PRDM4: variants seen among roughly 807,000 people sequenced by gnomAD.
The protein encoded by PRDM4 is PR domain zinc finger protein 4.
PRDM4 carries 38 observed loss-of-function variants against 62.3 expected under a neutral mutation model. The observed-to-expected ratio is 0.61, with a 90% confidence interval of 0.47 to 0.80. The LOEUF is 0.80. Among genes scored for constraint, PRDM4 ranks in the 30% least tolerant of loss-of-function variants. The pLI is 0.00. For synonymous variants in PRDM4, 339 were observed against 348.2 expected (o/e 0.97, Z 0.30); for missense variants, 858 against 997.1 (o/e 0.86, Z 1.88).
At position 107,741,266 on chromosome 12, in the gene PRDM4, A is replaced by T. The variant is rs769473383; in HGVS notation, c.1610-6T>A. On this transcript the variant is annotated splice_polypyrimidine_tract_variant and splice_region_variant and intron_variant, in intron 9 of 11. Transcript: ENST00000228437. The stretch of plus-strand genomic sequence containing the variant: ...ATCTGGGTGTTCAGGAACACCTTTT[A>T]AAAAAAAATTACTCATTATCTCCCA... 1.3e-5 allele frequency: 20 copies of T among 1,576,852 alleles called. No individual in the cohort carries two copies. The highest frequency in any genetic ancestry group is 2.3e-5 in the East Asian group (1 of 44,288).
In PRDM4 at chr12:107,746,398, G is replaced by C. The variant is rs1184547192; in HGVS notation, c.1153C>G (p.Pro385Ala). ...IWCTLCDRAY[P>A]SDCPEHGPVT... ...GGTCCATGTTCGGGACAGTCCGAGG[G>C]ATAGGCGCGGTCACACAGAGTACAC... Residue 385 changes from proline (P) to alanine (A), a missense_variant, in exon 6 of 12, where the codon CCC (proline) becomes GCC (alanine). By Grantham distance (27) the Pro-to-Ala change is conservative. Around this residue, in one of 3 missense-constraint regions of PRDM4, gnomAD observed 499 missense variants for 546.7 expected, o/e 0.91. Coordinates refer to ENST00000228437, the MANE Select transcript of PRDM4 (RefSeq NM_012406.4). The C allele has an allele frequency of 6.2e-7, 1 of 1,611,130 alleles. No homozygotes were observed. The highest frequency in any genetic ancestry group is 8.5e-7 in the Non-Finnish European group (1 of 1,178,512).
chr12:107,743,131 T>C lies in PRDM4; in HGVS notation c.1481+66A>G, dbSNP rs1427852906. 2.3e-6 allele frequency: 3 copies of C among 1,323,456 alleles called. No individual in the cohort carries two copies. The Admixed American group carries it at 5.2e-5, about 23-fold the overall frequency. 82.0% of individuals were successfully genotyped at this position (1,323,456 alleles called of 1,614,324 possible). ...GGATTCTTAACTCTTTCTTCTTTTA[T>C]GCAAAGCTTCCTATTGAAAAACATC... On this transcript the variant is annotated intron_variant, in intron 8 of 11. Coordinates refer to ENST00000228437, the MANE Select transcript of PRDM4 (RefSeq NM_012406.4).
At position 107,734,335 on chromosome 12, in the gene PRDM4, C is replaced by A; in HGVS notation, c.2281G>T (p.Ala761Ser). 6.2e-7 allele frequency: 1 copy of A among 1,614,210 alleles called. No individual in the cohort carries two copies. The highest frequency in any genetic ancestry group is 8.5e-7 in the Non-Finnish European group (1 of 1,180,026). Residue 761 changes from alanine to serine, a missense_variant, in exon 12 of 12, where the codon GCA (alanine) becomes TCA (serine). Physicochemically the swap from Ala to Ser is moderately conservative, Grantham distance 99. This residue lies in a region of PRDM4 where 355 missense variants were observed against 432.6 expected (regional missense o/e 0.82). Transcript: ENST00000228437. ...TCATCCTCTTCTTCCTCCTCTGGTG[C>A]TGACGAACTGGAGGTGGGCCCTTTG... ...TCKGPTSSSS[A>S]PEEEEEDDSE...
At position 107,760,784 on chromosome 12, in the gene PRDM4, G is replaced by C. The variant is rs1015485380; in HGVS notation, c.-256-13C>G. The C allele has an allele frequency of 2.4e-5, 11 of 456,772 alleles. No homozygotes were observed. The highest frequency in any genetic ancestry group is 2.3e-4 in the African/African-American group (11 of 48,872). The allele number at this position is 456,772 out of a possible 1,614,324, so 28.3% of individuals were successfully genotyped here. Reference sequence around the variant, plus strand: ...GGGGCTGCCCAACCTGGGGGAGTGGGGACAAGAGCGGTCACCAAAACCACA... The same window carrying C: ...GGGGCTGCCCAACCTGGGGGAGTGGCGACAAGAGCGGTCACCAAAACCACA... On this transcript the variant is annotated splice_polypyrimidine_tract_variant and intron_variant, in intron 1 of 11. Coordinates refer to ENST00000228437, the MANE Select transcript of PRDM4 (RefSeq NM_012406.4).
chr12:107,749,171 G>A (rs1255766350), intron 5 of PRDM4, among the ~76,000 whole-genome samples: 2 of 151,720 alleles, frequency 1.3e-5, no homozygotes, highest in African/African-American at 4.8e-5. Flanking sequence ...CACTTCTACA[G>A]CCACAAATAA....
At position 107,751,574 on chromosome 12, in the gene PRDM4, T is replaced by A. The variant is rs758864082; in HGVS notation, c.967A>T (p.Ser323Cys). ...GAGGAGACAGCCACAGGTTCTAGGC[T>A]GAGGCCAACTTCATGGAGGGAAACA... ...ESVSLHEVGL[S>C]LEPVAVSSIT... Residue 323 changes from serine (S) to cysteine (C), a missense_variant, in exon 5 of 12, where the codon AGC becomes TGC. By Grantham distance (112) the Ser-to-Cys change is moderately radical. Around this residue, in one of 3 missense-constraint regions of PRDM4, gnomAD observed 499 missense variants for 546.7 expected, o/e 0.91. Transcript: ENST00000228437. 1.9e-6 allele frequency: 3 copies of A among 1,613,646 alleles called. No homozygotes were observed. Among genetic ancestry groups the A allele is most frequent in the Non-Finnish European group, 1.7e-6 (2 of 1,179,548 alleles).
At chr12:107,736,386 G>A (rs1470986327) in intron 11 of PRDM4, among the ~76,000 whole-genome samples, 3 of 152,216 alleles carry the variant, frequency 2.0e-5, no homozygotes, top group African/African-American at 7.2e-5. Flanking sequence ...CCTGAATGGA[G>A]GGAAGAAGAC....
At chr12:107,752,494 G>A (rs777919874) in intron 4 of PRDM4, among the ~76,000 whole-genome samples, 8 of 150,482 alleles carry the variant, frequency 5.3e-5, no homozygotes, top group Non-Finnish European at 1.2e-4. Flanking sequence ...TGCAATTCCT[G>A]AGTCCTAAGG....
At chr12:107,742,736 G>A (rs1372033687) in intron 8 of PRDM4, 2 of 234,614 alleles carry the variant, frequency 8.5e-6, no homozygotes, top group African/African-American at 4.7e-5. Context: ...AAATTCAGTG[G>A]TAACTATATT....
At chr12:107,760,408 T>C in intron 2 of PRDM4, 97 bp downstream of exon 2, 3 of 1,511,056 alleles carry the variant, frequency 2.0e-6, no homozygotes, top group Non-Finnish European at 2.7e-6. Context: ...CCTGTAACCT[T>C]CTCAATGGCA....
rs35721831 is a variant in PRDM4, at chr12:107,733,387, CATT to C, written c.*820_*822del. 44,233 of 152,000 alleles carry C rather than the reference CATT, an allele frequency of 0.29. 8,117 individuals are homozygous for C. Among genetic ancestry groups the C allele is most frequent in the Middle Eastern group, 0.42 (121 of 290 alleles). The allele number at this position is 152,000 out of a possible 1,614,324, so 9.4% of individuals were successfully genotyped here. On this transcript the variant is annotated 3_prime_UTR_variant, in exon 12 of 12. Transcript: ENST00000228437. ...ACTCATCAGGAGACAATCCAGCAGG[CATT>C]ATTTGGGCTCTCTGTATCTCCAGGC...
chr12:107,749,997 T>A (rs1361829451), intron 5 of PRDM4, among the ~76,000 whole-genome samples: 2 of 152,324 alleles, frequency 1.3e-5, no homozygotes, highest in East Asian at 3.9e-4. Context: ...TTTCTTGTCC[T>A]TAAGGTCTGT....
In PRDM4 at chr12:107,753,911, C is replaced by A. The variant is rs372630083; in HGVS notation, c.331+13G>T. On this transcript the variant is annotated intron_variant, in intron 4 of 11. Transcript: ENST00000228437. ...TCTTTTTCTCTAACATCTCAAGTAA[C>A]TGTAACACTTACCAGGTAGAATGGT... is the stretch of plus-strand genomic sequence containing the variant. 1.7e-5 allele frequency: 28 copies of A among 1,606,194 alleles called. No homozygotes were observed. In the African/African-American group the frequency reaches 3.5e-4, roughly 20 times the overall value.
Position 107,734,405 on chromosome 12 carries a change from C to T in PRDM4, c.2211G>A (p.Lys737=). 1 of 1,614,150 alleles carries T rather than the reference C, an allele frequency of 6.2e-7. No homozygotes were observed. Among genetic ancestry groups the T allele is most frequent in the South Asian group, 1.1e-5 (1 of 91,086 alleles). Residue 737 remains lysine (K), a synonymous_variant, in exon 12 of 12, where the codon AAG becomes AAA. Transcript: ENST00000228437. ...TGAGATGGTATTTGGTTAGATAAGC[C>T]TTTGTACATTTTTCACAGACATAAT... ...KRDYVCEKCT[K]AYLTKYHLTR... is the part of the protein sequence containing the mutation.
intron 10 of PRDM4, among the ~76,000 whole-genome samples, chr12:107,740,385 G>A (rs1030629811): frequency 5.9e-5 from 9 of 152,110 alleles, no homozygotes; most frequent in Admixed American, 3.3e-4. Flanking sequence ...TACTCAGGAG[G>A]CTGAGGTGGG....
intron 4 of PRDM4, 101 bp from the exon 5 acceptor site, chr12:107,752,310 T>A: frequency 1.2e-6 from 1 of 821,942 alleles, no homozygotes; most frequent in Non-Finnish European, 1.9e-6. Context: ...TAAGTTCAAA[T>A]AATCTCCTGC....
chr12:107,738,892 CACACACA>C (rs756902119), intron 11 of PRDM4, among the ~76,000 whole-genome samples: 1 of 150,120 alleles, frequency 6.7e-6, no homozygotes, highest in African/African-American at 2.5e-5. Context: ...CACACACACA[CACACACA>C]CACACACACA....
chr12:107,745,922 G>A (rs150874751), intron 6 of PRDM4, among the ~76,000 whole-genome samples: 1 of 152,276 alleles, frequency 6.6e-6, no homozygotes, highest in African/African-American at 2.4e-5. Flanking sequence ...GTCATAAGGT[G>A]AATTTTCCAT....
intron 2 of PRDM4, chr12:107,758,286 G>A (rs1009396028): frequency 3.3e-5 from 4 of 119,552 alleles, no homozygotes; most frequent in Non-Finnish European, 1.6e-5. Context: ...GTCTTGCTCA[G>A]TAGCTGCAAG....
Sources: allele counts gnomAD v4.1 joint callset (sites outside exome capture counted in the v4.1 genomes callset), GRCh38; gene constraint gnomAD v4.1.1; regional missense constraint gnomAD v4.1.1; transcripts MANE v1.5; gene names NCBI Gene and HGNC (gene_info 2026-07-23, HGNC 2026-07-21).